Variants in LMF1 observed in about 807,000 individuals in gnomAD.
LMF1 encodes the protein lipase maturation factor 1, also known as transmembrane protein 112.
A neutral mutation model predicts 60.6 loss-of-function variants in LMF1; 68 were observed. The ratio of observed to expected loss-of-function variants is 1.12; its 90% CI spans 0.92 to 1.37. LMF1 has a LOEUF of 1.37. Among genes scored for constraint, LMF1 ranks in the 40% most tolerant of loss-of-function variants. LMF1 has a pLI of 0.00. For synonymous variants in LMF1, 418 were observed against 324.7 expected (o/e 1.29, Z -3.09); for missense variants, 948 against 767.2 (o/e 1.24, Z -2.78).
At chr16:893,371 G>T (rs939785239) in intron 4 of LMF1, 4 of 521,898 alleles carry the variant, frequency 7.7e-6, no homozygotes, top group Non-Finnish European at 1.1e-5. Context: ...TCACGCTACA[G>T]AAGTTGCGTG....
At chr16:862,056 G>C (rs975281665) in intron 10 of LMF1, among the ~76,000 whole-genome samples, 1 of 152,294 alleles carries the variant, frequency 6.6e-6, no homozygotes, top group African/African-American at 2.4e-5. Context: ...TTCGGTAGCT[G>C]GTAACGTGTG....
Position 874,133 on chromosome 16 carries a change from G to A in LMF1, c.898-2792C>T, listed in dbSNP as rs8045528. Among the ~76,000 whole-genome samples the A allele has an allele frequency of 0.59, 89,555 of 152,068 alleles. 27,157 individuals carry two copies. The highest frequency in any genetic ancestry group is 0.74 in the African/African-American group (30,495 of 41,484). On this transcript the variant is annotated intron_variant, in intron 6 of 10. Coordinates refer to ENST00000262301, the MANE Select transcript of LMF1 (RefSeq NM_022773.4). This position sits in a 1 kb window ranked among gnomAD's most constrained non-coding sequence, Gnocchi z 4.1. ...GGCGGTTGCATCACGCTGTGAACGT[G>A]CTGGAGGCCCCCGAGTTCACTTCAA... is the stretch of plus-strand genomic sequence containing the variant.
chr16:885,135 T>C (rs1191674554), intron 5 of LMF1: 1 of 152,254 alleles, frequency 6.6e-6, no homozygotes, highest in Non-Finnish European at 1.5e-5. Context: ...GTTGTAAAAT[T>C]CTTTCAGCAT....
chr16:924,028 T>C (rs2071520454), intron 3 of LMF1, among the ~76,000 whole-genome samples: 1 of 152,108 alleles, frequency 6.6e-6, no homozygotes, highest in African/African-American at 2.4e-5. Context: ...GAAGAGTTAT[T>C]AGAAAAAAAG....
At chr16:879,794 G>C in intron 5 of LMF1, 57 bp from the exon 6 acceptor site, 1 of 1,513,942 alleles carries the variant, frequency 6.6e-7, no homozygotes, top group East Asian at 2.5e-5. Context: ...GCGGGGCTAG[G>C]GAGAGGCTTG....
intron 10 of LMF1, 138 bp downstream of exon 10, chr16:868,806 A>T: frequency 1.7e-6 from 1 of 585,012 alleles, no homozygotes; most frequent in East Asian, 2.9e-5. Flanking sequence ...TGCTCCCAGC[A>T]GGCCCCACCT....
chr16:869,272 G>C, intron 9 of LMF1: 1 of 668,856 alleles, frequency 1.5e-6, no homozygotes, highest in East Asian at 2.8e-5. Context: ...CGCTGGCTTC[G>C]CTCCCCTGGC....
intron 1 of LMF1, chr16:979,524 C>T (rs2073278382): frequency 7.3e-6 from 3 of 411,722 alleles, no homozygotes; most frequent in African/African-American, 2.0e-5. Context: ...CACAGACCAC[C>T]GTGCCCCAGA....
At chr16:974,626 C>T (rs1397557577), upstream of LMF1, among the ~76,000 whole-genome samples, 1 of 152,224 alleles carries the variant, frequency 6.6e-6, no homozygotes, top group Admixed American at 6.5e-5. Flanking sequence ...GACCCTGTCC[C>T]CGCCGTCCCG....
intron 10 of LMF1, among the ~76,000 whole-genome samples, chr16:861,678 T>C (rs1054932402): frequency 6.6e-6 from 1 of 152,168 alleles, no homozygotes; most frequent in African/African-American, 2.4e-5. Context: ...TCTAGGAGTG[T>C]TTTTGGTGGA....
chr16:922,992 T>C (rs2071484077), intron 3 of LMF1, among the ~76,000 whole-genome samples: 6 of 118,718 alleles, frequency 5.1e-5, no homozygotes, highest in African/African-American at 2.3e-4. Context: ...GGTTTTCGGG[T>C]GTGATGTGGT....
Position 874,067 on chromosome 16 carries a change from G to A in LMF1, c.898-2726C>T, listed in dbSNP as rs920384855. On this transcript the variant is annotated intron_variant, in intron 6 of 10. Coordinates refer to ENST00000262301, the MANE Select transcript of LMF1 (RefSeq NM_022773.4). The surrounding 1 kb of genome is among the most constrained non-coding windows in gnomAD (Gnocchi z 4.1). ...CGGGTGTGAGGGTCTCCTTTGCCGG[G>A]TGTGGGGGGGGTATGGGAAGTTCTG... 3.3e-5 allele frequency among the ~76,000 whole-genome samples: 5 copies of A among 152,216 alleles called. No individual in the cohort carries two copies. The highest frequency in any genetic ancestry group is 7.3e-5 in the Non-Finnish European group (5 of 68,032).
rs1317166802 is a variant in LMF1 at position 950,740 on chromosome 16, G to GACGACAGAGTCAGAGCCA, written c.503+3599_503+3616dup. Among the ~76,000 whole-genome samples the GACGACAGAGTCAGAGCCA allele has an allele frequency of 3.3e-5, 3 of 90,448 alleles. 1 individual carries two copies. The highest frequency in any genetic ancestry group is 7.1e-5 in the African/African-American group (1 of 13,996). The allele number at this position is 90,448 out of a possible 152,430, so 59.3% of individuals were successfully genotyped here. ...AGTCAGAGCCAACGACAGAGTCAGA[G>GACGACAGAGTCAGAGCCA]ACGACAGAGTCAGAGCCAACGACAG... On this transcript the variant is annotated intron_variant, in intron 2 of 10. Transcript: ENST00000262301.
chr16:935,027 T>C (rs2071899820), intron 2 of LMF1, among the ~76,000 whole-genome samples: 1 of 152,042 alleles, frequency 6.6e-6, no homozygotes, highest in South Asian at 2.1e-4. Flanking sequence ...ATGTGGTTTG[T>C]GGACACGAAA....
At chr16:932,119 C>T (rs768460178) in intron 3 of LMF1, among the ~76,000 whole-genome samples, 4 of 152,360 alleles carry the variant, frequency 2.6e-5, no homozygotes, top group African/African-American at 4.8e-5. Flanking sequence ...CCCGGCTCCT[C>T]GACTGCCTCT....
Position 868,990 on chromosome 16 carries a change from A to G in LMF1, c.1483T>C (p.Leu495=). The G allele has an allele frequency of 6.2e-7, 1 of 1,612,492 alleles. No homozygotes were observed. The highest frequency in any genetic ancestry group is 8.5e-7 in the Non-Finnish European group (1 of 1,179,722). Residue 495 remains leucine, a synonymous_variant, in exon 10 of 11, where the codon TTG becomes CTG. Coordinates refer to ENST00000262301, the MANE Select transcript of LMF1 (RefSeq NM_022773.4). The part of the protein sequence containing the change: ...GKLLASDAEA[L]SLLAHNPFAG... The stretch of plus-strand genomic sequence containing the variant: ...AAGGGGTTGTGTGCCAGCAGGGACA[A>G]GGCCTCGGCGTCGCTGGCCAGGAGC...
intron 6 of LMF1, among the ~76,000 whole-genome samples, chr16:877,065 C>T (rs57778890): frequency 0.081 from 12,394 of 152,162 alleles, 1,720 homozygotes; most frequent in African/African-American, 0.28. Flanking sequence ...TGAGGCCGGG[C>T]GCACACCTGC....
intron 10 of LMF1, chr16:855,968 T>G (rs1351340972): frequency 2.2e-6 from 1 of 455,922 alleles, no homozygotes; most frequent in Non-Finnish European, 4.4e-6. Context: ...GTGTGATGGA[T>G]GATGATTCTT....
chr16:892,511 G>C (rs1433178502), intron 5 of LMF1, among the ~76,000 whole-genome samples: 1 of 152,236 alleles, frequency 6.6e-6, no homozygotes, highest in Non-Finnish European at 1.5e-5. Context: ...GGCGTCTGAA[G>C]GGACTCAGCC....
Sources: allele counts gnomAD v4.1 joint callset (sites outside exome capture counted in the v4.1 genomes callset), GRCh38; gene constraint gnomAD v4.1.1; non-coding constraint Gnocchi (gnomAD v3.1); transcripts MANE v1.5; gene names NCBI Gene and HGNC (gene_info 2026-07-23, HGNC 2026-07-21).